GSK3B: variants seen among roughly 807,000 people sequenced by gnomAD.
The protein encoded by GSK3B is glycogen synthase kinase 3 beta, also known as glycogen synthase kinase-3 beta.
GSK3B carries 15 observed loss-of-function variants against 56.4 expected under a neutral mutation model. That is an observed-to-expected ratio of 0.27 (90% CI 0.18 to 0.41). The LOEUF is 0.41. Among genes scored for constraint, GSK3B ranks in the 10% least tolerant of loss-of-function variants. The pLI, the probability that GSK3B is intolerant of heterozygous loss-of-function variation, is 1.00. For missense variants in GSK3B, 300 were observed against 513.4 expected, an observed-to-expected ratio of 0.58 and a Z score of 4.02; for synonymous variants, 181 against 188.9, an observed-to-expected ratio of 0.96 and a Z score of 0.34.
At chr3:119,922,875 C>A (rs1473981764) in intron 4 of GSK3B, among the ~76,000 whole-genome samples, 1 of 151,988 alleles carries the variant, frequency 6.6e-6, no homozygotes, top group Non-Finnish European at 1.5e-5. Context: ...AGGAAATAAA[C>A]AAGATGGCAT....
chr3:119,875,289 AAGAG>A (rs764291884), intron 8 of GSK3B, among the ~76,000 whole-genome samples: 2 of 151,270 alleles, frequency 1.3e-5, no homozygotes, highest in South Asian at 2.1e-4. Flanking sequence ...ATATCTGATT[AAGAG>A]AGAGAGAGAG....
intron 2 of GSK3B, among the ~76,000 whole-genome samples, chr3:119,991,909 A>C (rs570599183): frequency 1.3e-5 from 2 of 152,118 alleles, no homozygotes; most frequent in Admixed American, 6.5e-5. Flanking sequence ...TAAAATACTT[A>C]AGAATAAACT....
intron 7 of GSK3B, among the ~76,000 whole-genome samples, chr3:119,892,530 A>G (rs1316716206): frequency 1.3e-5 from 2 of 152,142 alleles, no homozygotes; most frequent in African/African-American, 4.8e-5. Context: ...GACATCTGGA[A>G]TAATACTGGG....
At chr3:119,858,898 T>C (rs1028121756) in intron 9 of GSK3B, among the ~76,000 whole-genome samples, 5 of 151,678 alleles carry the variant, frequency 3.3e-5, no homozygotes, top group African/African-American at 7.3e-5. Context: ...GAGATGGGGA[T>C]TGGCTGATTG....
intron 8 of GSK3B, among the ~76,000 whole-genome samples, chr3:119,868,107 T>A (rs2056205721): frequency 2.4e-4 from 29 of 123,132 alleles, no homozygotes; most frequent in South Asian, 5.4e-4. Context: ...AAGCAAAAAA[T>A]AAGAAGAAGA....
intron 7 of GSK3B, among the ~76,000 whole-genome samples, chr3:119,876,915 C>G (rs931805556): frequency 6.6e-6 from 1 of 152,078 alleles, no homozygotes; most frequent in South Asian, 2.1e-4. Context: ...AGATGTGGGC[C>G]CTTTGACATT....
chr3:119,839,736 A>G (rs1044873466), intron 10 of GSK3B, among the ~76,000 whole-genome samples: 1 of 152,212 alleles, frequency 6.6e-6, no homozygotes, highest in Non-Finnish European at 1.5e-5. Context: ...CTTCTTGTTG[A>G]TATGACTGTC....
chr3:119,859,207 T>C (rs1037295594), intron 9 of GSK3B, among the ~76,000 whole-genome samples: 1 of 148,342 alleles, frequency 6.7e-6, no homozygotes, highest in Non-Finnish European at 1.5e-5. Context: ...AAGCATTACC[T>C]GTGAAATGCA....
At chr3:120,066,365 TGAG>T (rs1329806487) in intron 1 of GSK3B, among the ~76,000 whole-genome samples, 4 of 152,090 alleles carry the variant, frequency 2.6e-5, no homozygotes, top group African/African-American at 9.7e-5. Context: ...CAAAGACTAC[TGAG>T]GTTATATGGA....
At chr3:119,890,695 T>G (rs1333947468) in intron 7 of GSK3B, among the ~76,000 whole-genome samples, 1 of 151,516 alleles carries the variant, frequency 6.6e-6, no homozygotes. Context: ...TTAAAATGCC[T>G]ATATTTTATT....
intron 1 of GSK3B, chr3:120,029,759 G>A (rs2057959452): frequency 1.8e-6 from 1 of 555,718 alleles, no homozygotes; most frequent in Non-Finnish European, 3.6e-6. Context: ...TTGGAATATG[G>A]TATGTTACTT....
chr3:119,971,878 T>C (rs2057371334), intron 2 of GSK3B, among the ~76,000 whole-genome samples: 1 of 152,046 alleles, frequency 6.6e-6, no homozygotes, highest in African/African-American at 2.4e-5. Flanking sequence ...CCCAAAGTGC[T>C]GGGATTACAG....
intron 3 of GSK3B, among the ~76,000 whole-genome samples, chr3:119,929,444 T>A (rs1263214342): frequency 2.0e-5 from 3 of 152,204 alleles, no homozygotes; most frequent in Non-Finnish European, 2.9e-5. Context: ...ATTTACTTCA[T>A]TTGCTAAACA....
intron 1 of GSK3B, among the ~76,000 whole-genome samples, chr3:120,088,993 A>G (rs1176354334): frequency 6.6e-6 from 1 of 152,162 alleles, no homozygotes; most frequent in Non-Finnish European, 1.5e-5. Context: ...CACTCTTTAG[A>G]CTCTGCTGCT....
At chr3:119,981,677 A>G (rs370400892) in intron 2 of GSK3B, among the ~76,000 whole-genome samples, 56 of 152,366 alleles carry the variant, frequency 3.7e-4, no homozygotes, top group South Asian at 3.5e-3. Flanking sequence ...GAGTAGGTAA[A>G]AAAAGTGGCC....
intron 1 of GSK3B, among the ~76,000 whole-genome samples, chr3:120,007,134 C>A (rs1252537014): frequency 6.6e-6 from 1 of 152,138 alleles, no homozygotes; most frequent in Admixed American, 6.5e-5. Context: ...ACTATAAACA[C>A]CTCTACGCAA....
Position 119,825,322 on chromosome 3 carries a change from T to C in GSK3B, c.*1466A>G, listed in dbSNP as rs914023080. ...GCAAACATAGTCCTTCAATTCTCCT[T>C]GCTTTCCAAGGAATATTGCTTTTTC... On this transcript the variant is annotated 3_prime_UTR_variant, in exon 11 of 11. Transcript: ENST00000264235. 8.7e-6 allele frequency: 2 copies of C among 229,694 alleles called. No homozygotes were observed. The highest frequency in any genetic ancestry group is 1.7e-5 in the Non-Finnish European group (2 of 115,956). The allele number at this position is 229,694 out of a possible 1,614,324, so 14.2% of individuals were successfully genotyped here.
At chr3:119,947,061 A>G (rs1469677516) in intron 3 of GSK3B, among the ~76,000 whole-genome samples, 1 of 152,198 alleles carries the variant, frequency 6.6e-6, no homozygotes, top group Non-Finnish European at 1.5e-5. Context: ...AAAATTCTTA[A>G]AAGTGCATTC....
intron 3 of GSK3B, among the ~76,000 whole-genome samples, chr3:119,936,349 T>C (rs939258221): frequency 1.0e-5 from 1 of 99,536 alleles, no homozygotes; most frequent in Non-Finnish European, 1.8e-5. Context: ...TATATATATA[T>C]ATATATTTTT....
Sources: allele counts gnomAD v4.1 joint callset (sites outside exome capture counted in the v4.1 genomes callset), GRCh38; gene constraint gnomAD v4.1.1; transcripts MANE v1.5; gene names NCBI Gene and HGNC (gene_info 2026-07-23, HGNC 2026-07-21).